EYS: variants seen among roughly 807,000 people sequenced by gnomAD.
The protein encoded by EYS is EGF-like photoreceptor maintenance factor, also known as protein eyes shut homolog.
EYS carries 250 observed loss-of-function variants against 282.1 expected under a neutral mutation model. The observed-to-expected ratio is 0.89, with a 90% CI of 0.80 to 0.98. The LOEUF is 0.98. EYS is among the 50% of genes least tolerant of loss of function. EYS has a pLI of 0.00. For missense variants in EYS, 4,016 were observed against 3,709.0 expected, an observed-to-expected ratio of 1.08 and a Z score of -2.15; for synonymous variants, 1,355 against 1,282.9, an observed-to-expected ratio of 1.06 and a Z score of -1.20.
At chr6:65,174,809 G>C (rs1765188263) in intron 12 of EYS, among the ~76,000 whole-genome samples, 1 of 151,296 alleles carries the variant, frequency 6.6e-6, no homozygotes, top group South Asian at 2.1e-4. Flanking sequence ...ACATTTGTAT[G>C]TATTATAATA....
intron 11 of EYS, among the ~76,000 whole-genome samples, chr6:65,312,394 G>T (rs1390247219): frequency 6.6e-6 from 1 of 152,078 alleles, no homozygotes; most frequent in Middle Eastern, 3.2e-3. Context: ...TTTCTGTGAA[G>T]TTAGGAAAAC....
intron 26 of EYS, among the ~76,000 whole-genome samples, chr6:64,508,473 T>A (rs1385527328): frequency 6.6e-6 from 1 of 151,658 alleles, no homozygotes; most frequent in Non-Finnish European, 1.5e-5. Flanking sequence ...AGCTCTAATT[T>A]TTCTTCAAGC....
intron 21 of EYS, among the ~76,000 whole-genome samples, chr6:64,816,969 T>C (rs1457472678): frequency 6.6e-6 from 1 of 151,108 alleles, no homozygotes; most frequent in Admixed American, 6.6e-5. Flanking sequence ...ATAGAATATA[T>C]ATATAATTAT....
At chr6:65,601,811 T>A (rs1485405687) in intron 2 of EYS, among the ~76,000 whole-genome samples, 1 of 151,968 alleles carries the variant, frequency 6.6e-6, no homozygotes, top group East Asian at 1.9e-4. Context: ...ACTTTGAGAA[T>A]AATAGTGTGG....
intron 2 of EYS, among the ~76,000 whole-genome samples, chr6:65,527,820 C>T (rs1310615936): frequency 6.6e-6 from 1 of 150,448 alleles, no homozygotes; most frequent in Admixed American, 6.6e-5. Flanking sequence ...ACACATGGGA[C>T]CTCCCTAAAC....
intron 7 of EYS, among the ~76,000 whole-genome samples, chr6:65,391,853 G>T (rs1011945174): frequency 8.6e-4 from 130 of 151,170 alleles, no homozygotes; most frequent in Non-Finnish European, 1.6e-3. Flanking sequence ...AAAAGAGCCC[G>T]CATTGCCAAG....
At chr6:65,332,249 T>C (rs1335220877) in intron 11 of EYS, 2 of 638,388 alleles carry the variant, frequency 3.1e-6, no homozygotes, top group Non-Finnish European at 2.9e-6. Flanking sequence ...ATCTACATTA[T>C]CATGCATTTT....
At chr6:64,626,096 T>C (rs922557127) in intron 23 of EYS, 25 bp downstream of exon 23, 1 of 1,350,478 alleles carries the variant, frequency 7.4e-7, no homozygotes, top group South Asian at 1.3e-5. Context: ...ATATGCAGTA[T>C]GCTTATTATT....
chr6:64,666,316 T>C (rs1313666090), intron 22 of EYS, among the ~76,000 whole-genome samples: 1 of 152,198 alleles, frequency 6.6e-6, no homozygotes, highest in East Asian at 1.9e-4. Flanking sequence ...TCTCAACTCA[T>C]GACAACATAT....
chr6:65,375,196 C>A (rs1582206675), intron 8 of EYS, among the ~76,000 whole-genome samples: 2 of 152,320 alleles, frequency 1.3e-5, no homozygotes, highest in South Asian at 4.1e-4. Flanking sequence ...GAACAGGCAG[C>A]AATCTTTTCT....
chr6:65,086,312 T>G (rs967085388), intron 12 of EYS, among the ~76,000 whole-genome samples: 1 of 151,402 alleles, frequency 6.6e-6, no homozygotes, highest in African/African-American at 2.4e-5. Context: ...TGAGACTCCA[T>G]CTCAAAAAAA....
intron 1 of EYS, among the ~76,000 whole-genome samples, chr6:65,641,586 C>T (rs1049341717): frequency 6.6e-5 from 10 of 152,160 alleles, no homozygotes; most frequent in Admixed American, 2.6e-4. Flanking sequence ...AATAAATGTC[C>T]TATTCTGTAT....
At chr6:64,448,605 C>A (rs1007658524) in intron 26 of EYS, among the ~76,000 whole-genome samples, 1 of 152,180 alleles carries the variant, frequency 6.6e-6, no homozygotes, top group Non-Finnish European at 1.5e-5. Flanking sequence ...GAGGCACCCC[C>A]CAGTAGGGGC....
intron 26 of EYS, among the ~76,000 whole-genome samples, chr6:64,564,514 CT>C (rs1765500725): frequency 6.6e-6 from 1 of 151,844 alleles, no homozygotes; most frequent in East Asian, 1.9e-4. Context: ...CTCTCTTGAC[CT>C]CGTGATCCGT....
At chr6:65,484,414 T>C (rs1765715569) in intron 5 of EYS, among the ~76,000 whole-genome samples, 1 of 152,196 alleles carries the variant, frequency 6.6e-6, no homozygotes, top group Non-Finnish European at 1.5e-5. Flanking sequence ...GATATAGAGT[T>C]ATACATAAGC....
intron 22 of EYS, among the ~76,000 whole-genome samples, chr6:64,642,967 T>C (rs1227391231): frequency 2.0e-5 from 3 of 152,090 alleles, no homozygotes; most frequent in Non-Finnish European, 4.4e-5. Context: ...AGTACAAAAT[T>C]AGCTGGGCGT....
At chr6:65,435,031 G>A (rs1768022392) in intron 5 of EYS, among the ~76,000 whole-genome samples, 1 of 151,612 alleles carries the variant, frequency 6.6e-6, no homozygotes, top group Non-Finnish European at 1.5e-5. Context: ...ATAATTAATA[G>A]ATGAGTAAAT....
chr6:65,182,662 T>G (rs1217867614), intron 12 of EYS, among the ~76,000 whole-genome samples: 1 of 151,948 alleles, frequency 6.6e-6, no homozygotes, highest in African/African-American at 2.4e-5. Flanking sequence ...TTTAATTGGT[T>G]TTTTTTGTAG....
intron 15 of EYS, among the ~76,000 whole-genome samples, chr6:64,929,320 A>T (rs1030117525): frequency 7.2e-5 from 11 of 152,128 alleles, no homozygotes; most frequent in African/African-American, 2.7e-4. Flanking sequence ...AATTACTATG[A>T]TGCCTGATAA....
Sources: allele counts gnomAD v4.1 joint callset (sites outside exome capture counted in the v4.1 genomes callset), GRCh38; gene constraint gnomAD v4.1.1; transcripts MANE v1.5; gene names NCBI Gene and HGNC (gene_info 2026-07-23, HGNC 2026-07-21).